Variants in ATP11C observed in about 807,000 individuals in gnomAD.
The protein encoded by ATP11C is ATPase phospholipid transporting 11C (ATP11C blood group), also known as phospholipid-transporting ATPase IG.
Under a neutral mutation model 97.4 loss-of-function variants are expected in ATP11C, and 36 were observed. The observed-to-expected ratio is 0.37, with a 90% CI of 0.28 to 0.49. ATP11C has a LOEUF of 0.49. ATP11C is among the 20% of genes least tolerant of loss of function. The pLI, the probability that ATP11C is intolerant of heterozygous loss-of-function variation, is 0.98. For synonymous variants in ATP11C, 275 were observed against 290.9 expected, an observed-to-expected ratio of 0.95 and a Z score of 0.56; for missense variants, 730 against 824.6, an observed-to-expected ratio of 0.89 and a Z score of 1.40.
intron 1 of ATP11C, among the ~76,000 whole-genome samples, chrX:139,931,618 T>C (rs1223347911): frequency 9.0e-6 from 1 of 111,647 alleles, no homozygotes; most frequent in African/African-American, 3.3e-5. Context: ...TTTACCTCCA[T>C]GTGCTCGTGG....
chrX:139,782,314 G>A (rs111984792), intron 18 of ATP11C, among the ~76,000 whole-genome samples: 1,132 of 105,089 alleles, frequency 0.011, 18 homozygotes, highest in African/African-American at 0.037. Context: ...GCGACAGAGC[G>A]AGACTCTGTC....
chrX:139,744,015 C>T lies in ATP11C; in HGVS notation c.2965-391G>A, dbSNP rs1311612198. Among the ~76,000 whole-genome samples the T allele has an allele frequency of 4.5e-5, 5 of 111,270 alleles. No homozygotes were observed. The East Asian group carries it at 1.4e-3, about 32-fold the overall frequency. ...ATTTTCCTATAATATAGAACTAAAC[C>T]TCTCAAATGAGCAGTAATTTATAGA... On this transcript the variant is annotated intron_variant, in intron 25 of 29. Transcript: ENST00000682941.
upstream of ATP11C, among the ~76,000 whole-genome samples, chrX:139,935,995 C>CA (rs1205100021): frequency 4.1e-3 from 390 of 94,510 alleles, 2 homozygotes; most frequent in African/African-American, 0.01. Context: ...GACTCCGTCT[C>CA]AAAAAAAAAA....
intron 5 of ATP11C, among the ~76,000 whole-genome samples, chrX:139,811,929 T>G: frequency 8.9e-6 from 1 of 112,314 alleles, no homozygotes. Context: ...CTACTATTTT[T>G]ATTATTGTTA....
chrX:139,796,937 TTTTC>T (rs1363390366), intron 11 of ATP11C, among the ~76,000 whole-genome samples: 2 of 108,173 alleles, frequency 1.8e-5, no homozygotes, highest in African/African-American at 3.3e-5. Context: ...TCTTTTTTTC[TTTTC>T]TTTTTCTTTC....
At chrX:139,924,114 A>C (rs761242625) in intron 1 of ATP11C, 1 of 382,555 alleles carries the variant, frequency 2.6e-6, no homozygotes, top group Admixed American at 2.5e-5. Context: ...CAAAAGTCCA[A>C]AAGTCAGGAA....
intron 1 of ATP11C, among the ~76,000 whole-genome samples, chrX:139,842,551 T>C (rs756904031): frequency 2.1e-4 from 24 of 112,030 alleles, no homozygotes; most frequent in Non-Finnish European, 1.1e-4. Context: ...TCTCATAGAG[T>C]TGACAGGAAA....
intron 1 of ATP11C, among the ~76,000 whole-genome samples, chrX:139,890,299 G>A (rs186779113): frequency 1.8e-5 from 2 of 111,139 alleles, no homozygotes; most frequent in East Asian, 5.7e-4. Context: ...GGGAGGCCGA[G>A]GCAGGAGGAT....
intron 5 of ATP11C, among the ~76,000 whole-genome samples, chrX:139,806,538 G>A (rs1417479783): frequency 9.0e-6 from 1 of 111,353 alleles, no homozygotes; most frequent in Non-Finnish European, 1.9e-5. Flanking sequence ...AGGAAGAGAT[G>A]GCTACCATGA....
At chrX:139,757,909 A>G (rs753555484) in intron 22 of ATP11C, 42 bp from the exon 23 acceptor site, 1 of 924,779 alleles carries the variant, frequency 1.1e-6, no homozygotes, top group South Asian at 2.4e-5. Flanking sequence ...ATTTTCACTT[A>G]ATCAACTTGC....
rs1352622067 is a variant in ATP11C at position 139,874,068 on chromosome X, A to T, written c.28-47245T>A. On this transcript the variant is annotated intron_variant, in intron 1 of 29. Coordinates refer to ENST00000682941, the MANE Select transcript of ATP11C (RefSeq NM_001353812.2). The stretch of plus-strand genomic sequence containing the variant: ...AGGTTTTTTTTTTTTTTTTAAACAG[A>T]GTCTCGCTCTGTCACCCAGGCTGGA... Among the ~76,000 whole-genome samples, 6 of 105,796 alleles carry T rather than the reference A, an allele frequency of 5.7e-5. No homozygotes were observed. In the East Asian group the frequency reaches 1.8e-3, roughly 32 times the overall value. The allele number at this position is 105,796 out of a possible 115,157, so 91.9% of individuals were successfully genotyped here.
chrX:139,859,274 T>C (rs1014023243), intron 1 of ATP11C, among the ~76,000 whole-genome samples: 2 of 111,796 alleles, frequency 1.8e-5, no homozygotes, highest in African/African-American at 3.3e-5. Context: ...CAGTGTTCTA[T>C]AGCACTGTAG....
chrX:139,842,538 C>T (rs1452028650), intron 1 of ATP11C, among the ~76,000 whole-genome samples: 1 of 112,613 alleles, frequency 8.9e-6, no homozygotes, highest in African/African-American at 3.2e-5. Context: ...GGCAAGTTTA[C>T]AATCTCATAG....
At chrX:139,860,162 G>A (rs1258757711) in intron 1 of ATP11C, among the ~76,000 whole-genome samples, 2 of 109,668 alleles carry the variant, frequency 1.8e-5, no homozygotes, top group East Asian at 2.8e-4. Context: ...AATGGAAAAG[G>A]CTTTTTTAAA....
intron 18 of ATP11C, among the ~76,000 whole-genome samples, chrX:139,776,072 G>A (rs772730591): frequency 8.9e-6 from 1 of 111,975 alleles, no homozygotes; most frequent in Non-Finnish European, 1.9e-5. Flanking sequence ...AAAGAAATGT[G>A]GGCACAGTGA....
chrX:139,752,794 A>T (rs975304090), intron 23 of ATP11C, among the ~76,000 whole-genome samples: 2 of 112,171 alleles, frequency 1.8e-5, no homozygotes, highest in Admixed American at 9.5e-5. Flanking sequence ...AGAACTTACG[A>T]AACTCTCTAA....
chrX:139,852,468 G>C (rs1189309327), intron 1 of ATP11C, among the ~76,000 whole-genome samples: 9 of 23,303 alleles, frequency 3.9e-4, no homozygotes, highest in Admixed American at 1.4e-3. Context: ...GGGGGGGGGG[G>C]GGGGGGGGGG....
chrX:139,830,345 A>T (rs926847892), intron 1 of ATP11C, among the ~76,000 whole-genome samples: 6 of 112,368 alleles, frequency 5.3e-5, no homozygotes, highest in African/African-American at 1.6e-4. Context: ...GCAAGTTTTT[A>T]GTATGCCAGC....
chrX:139,865,033 C>T (rs1430119071), intron 1 of ATP11C, among the ~76,000 whole-genome samples: 3 of 111,856 alleles, frequency 2.7e-5, no homozygotes, highest in African/African-American at 9.7e-5. Flanking sequence ...AACATGAGTG[C>T]GCTTACTGTG....
Sources: allele counts gnomAD v4.1 joint callset (sites outside exome capture counted in the v4.1 genomes callset), GRCh38; gene constraint gnomAD v4.1.1; transcripts MANE v1.5; gene names NCBI Gene and HGNC (gene_info 2026-07-23, HGNC 2026-07-21).